C6orf163: variants seen among roughly 807,000 people sequenced by gnomAD.
C6orf163 encodes uncharacterized protein C6orf163.
C6orf163 carries 22 observed loss-of-function variants against 28.4 expected under a neutral mutation model. The ratio of observed to expected loss-of-function variants is 0.78; its 90% confidence interval spans 0.55 to 1.11. The LOEUF (loss-of-function observed/expected upper bound fraction) is 1.11. Among genes scored for constraint, C6orf163 ranks in the 50% least tolerant of loss-of-function variants. The pLI, the probability that C6orf163 is intolerant of heterozygous loss-of-function variation, is 0.00. For missense variants in C6orf163, 342 were observed against 389.1 expected (o/e 0.88, Z 1.02); for synonymous variants, 110 against 123.6 (o/e 0.89, Z 0.73).
intron 4 of C6orf163, among the ~76,000 whole-genome samples, chr6:87,361,178 C>A (rs372319925): frequency 1.3e-5 from 2 of 151,800 alleles, no homozygotes; most frequent in African/African-American, 4.8e-5. Context: ...TCAGCTATTC[C>A]GGAGGCTGAG....
intron 4 of C6orf163, 89 bp from the exon 5 acceptor site, chr6:87,364,872 A>G (rs1319706382): frequency 6.0e-6 from 6 of 1,001,238 alleles, no homozygotes; most frequent in East Asian, 5.2e-5. Context: ...CATCTCAACA[A>G]TTGCTCATTC....
chr6:87,361,613 C>G (rs1562232316), intron 4 of C6orf163, among the ~76,000 whole-genome samples: 1 of 152,186 alleles, frequency 6.6e-6, no homozygotes, highest in Non-Finnish European at 1.5e-5. Context: ...CCCTGACAAT[C>G]TCATCAACAG....
chr6:87,357,292 C>T (rs1777517762), intron 4 of C6orf163: 1 of 152,262 alleles, frequency 6.6e-6, no homozygotes, highest in South Asian at 2.1e-4. Flanking sequence ...AAGAGAAAAA[C>T]CATAATTTCC....
intron 4 of C6orf163, among the ~76,000 whole-genome samples, chr6:87,361,388 C>T (rs1239588260): frequency 2.0e-5 from 3 of 152,144 alleles, no homozygotes; most frequent in African/African-American, 7.2e-5. Context: ...AAGGGACTGT[C>T]ATTGAGGGTG....
At chr6:87,358,621 CTGTT>C (rs954038823) in intron 4 of C6orf163, 2 of 133,708 alleles carry the variant, frequency 1.5e-5, no homozygotes, top group African/African-American at 2.7e-5. Context: ...AAAAAAAAAT[CTGTT>C]TGTAAAGGTT....
chr6:87,361,052 A>G (rs242286), intron 4 of C6orf163, among the ~76,000 whole-genome samples: 65,075 of 152,072 alleles, frequency 0.43, 14,330 homozygotes, highest in Non-Finnish European at 0.48. Context: ...TAATCCCAGC[A>G]CTTTGGGAGG....
At chr6:87,361,798 C>T (rs937777467) in intron 4 of C6orf163, among the ~76,000 whole-genome samples, 5 of 152,206 alleles carry the variant, frequency 3.3e-5, no homozygotes, top group East Asian at 1.9e-4. Context: ...CATATGCTTG[C>T]AGTCACAGAT....
chr6:87,346,778 G>A (rs527357906), intron 1 of C6orf163, among the ~76,000 whole-genome samples: 60 of 152,126 alleles, frequency 3.9e-4, no homozygotes, highest in Middle Eastern at 6.8e-3. Context: ...GGACCTCTAC[G>A]GTCAGGACTA....
At chr6:87,348,957 A>G (rs9450659) in intron 2 of C6orf163, 51 bp downstream of exon 2, 459,016 of 1,527,790 alleles carry the variant, frequency 0.3, 71,280 homozygotes, top group Admixed American at 0.44. Context: ...GTTCTTTCAC[A>G]TTTTGGATTT....
Position 87,345,884 on chromosome 6 carries a change from T to C in C6orf163, c.148+637T>C, listed in dbSNP as rs573718281. Among the ~76,000 whole-genome samples the C allele has an allele frequency of 5.6e-5, 7 of 124,690 alleles. No individual in the cohort carries two copies. In the South Asian group the frequency reaches 1.3e-3, roughly 23 times the overall value. 81.8% of individuals were successfully genotyped at this position (124,690 alleles called of 152,430 possible). The stretch of plus-strand genomic sequence containing the variant: ...GTGAGCTGAGATCGTGCTACTGCAC[T>C]CTAGCCTGGGTGACAGAGCGAGACT... On this transcript the variant is annotated intron_variant, in intron 1 of 4. Transcript: ENST00000388923.
At chr6:87,362,247 C>T (rs764483840) in intron 4 of C6orf163, among the ~76,000 whole-genome samples, 1 of 152,110 alleles carries the variant, frequency 6.6e-6, no homozygotes, top group African/African-American at 2.4e-5. Flanking sequence ...GAGACCAAGG[C>T]GGGTGGATCA....
At chr6:87,363,572 T>C (rs11753488) in intron 4 of C6orf163, among the ~76,000 whole-genome samples, 2 of 151,542 alleles carry the variant, frequency 1.3e-5, no homozygotes, top group African/African-American at 2.4e-5. Flanking sequence ...GTTCAGTTCC[T>C]ACCTATGAGT....
At chr6:87,352,374 A>G (rs1278212047) in intron 3 of C6orf163, among the ~76,000 whole-genome samples, 1 of 152,168 alleles carries the variant, frequency 6.6e-6, no homozygotes, top group Non-Finnish European at 1.5e-5. Context: ...AGTGATTCTC[A>G]CACATATTAA....
chr6:87,350,641 T>A (rs765627795), intron 3 of C6orf163, 140 bp downstream of exon 3: 70 of 604,520 alleles, frequency 1.2e-4, no homozygotes, highest in Non-Finnish European at 1.7e-4. Flanking sequence ...CCTGGGAGGT[T>A]CTCAGAAGAG....
At chr6:87,361,868 A>G (rs990113533) in intron 4 of C6orf163, among the ~76,000 whole-genome samples, 1 of 151,736 alleles carries the variant, frequency 6.6e-6, no homozygotes, top group Non-Finnish European at 1.5e-5. Context: ...CCTCTTCCCA[A>G]CCCTCTCTTT....
chr6:87,356,322 A>G lies in C6orf163; in HGVS notation c.373A>G (p.Thr125Ala), dbSNP rs1246066303. Residue 125 changes from threonine (T) to alanine (A), a missense_variant, in exon 4 of 5, where the codon ACA (threonine) becomes GCA (alanine). Thr to Ala is a moderately conservative substitution (Grantham distance 58, BLOSUM62 0). Coordinates refer to ENST00000388923, the MANE Select transcript of C6orf163 (RefSeq NM_001010868.3). ...DLQEVTAKTK[T>A]EMYQNMDDEM... ...TCAGGAAGTGACAGCTAAAACTAAG[A>G]CAGAGATGTATCAAAACATGGATGA... 7.7e-6 allele frequency: 12 copies of G among 1,551,642 alleles called. No homozygotes were observed. Among genetic ancestry groups the G allele is most frequent in the African/African-American group, 1.4e-5 (1 of 73,068 alleles).
Position 87,365,290 on chromosome 6 carries a change from A to T in C6orf163, c.884A>T (p.Tyr295Phe), listed in dbSNP as rs1208632270. 5 of 1,551,634 alleles carry T rather than the reference A, an allele frequency of 3.2e-6. No homozygotes were observed. Among genetic ancestry groups the T allele is most frequent in the Admixed American group, 2.0e-5 (1 of 50,998 alleles). Residue 295 changes from tyrosine (Y) to phenylalanine (F), a missense_variant, in exon 5 of 5, where the codon TAT becomes TTT. Transcript: ENST00000388923. ...TRMAFQKYINYTFPKLSPGHA... is the reference protein window; with the variant it reads ...TRMAFQKYINFTFPKLSPGHA... ...ATGGCATTTCAAAAATACATCAATTATACCTTTCCTAAGCTTTCACCAGGA... is the reference window on the plus strand; with the variant it reads ...ATGGCATTTCAAAAATACATCAATTTTACCTTTCCTAAGCTTTCACCAGGA...
chr6:87,357,587 T>G (rs1777524336), intron 4 of C6orf163: 1 of 152,388 alleles, frequency 6.6e-6, no homozygotes, highest in African/African-American at 2.4e-5. Context: ...CTGCATAGAC[T>G]GCAGGTCATT....
At chr6:87,351,424 T>G (rs1334526069) in intron 3 of C6orf163, among the ~76,000 whole-genome samples, 1 of 152,172 alleles carries the variant, frequency 6.6e-6, no homozygotes, top group Non-Finnish European at 1.5e-5. Flanking sequence ...CCGGGTGAGA[T>G]AAAATCAACT....
Sources: gnomAD v4.1 joint callset for allele counts (sites outside exome capture counted in the v4.1 genomes callset) on GRCh38, gnomAD v4.1.1 for gene constraint, MANE v1.5 for transcripts, NCBI Gene and HGNC (gene_info 2026-07-23, HGNC 2026-07-21) for gene names.